MARCHF1: variants seen among roughly 807,000 people sequenced by gnomAD.
MARCHF1 encodes E3 ubiquitin-protein ligase MARCHF1.
A neutral mutation model predicts 54.2 loss-of-function variants in MARCHF1; 40 were observed. The observed-to-expected ratio is 0.74, with a 90% confidence interval of 0.57 to 0.96. The LOEUF (loss-of-function observed/expected upper bound fraction) is 0.96, where lower values mean the gene tolerates loss of function less well. Ranked by LOEUF, MARCHF1 falls within the 40% of genes least tolerant of loss-of-function variation. MARCHF1 has a pLI of 0.00. For missense variants in MARCHF1, 586 were observed against 656.5 expected (o/e 0.89, Z 1.17); for synonymous variants, 236 against 236.3 (o/e 1.00, Z 0.01).
intron 2 of MARCHF1, among the ~76,000 whole-genome samples, chr4:164,047,828 A>AT (rs1045432759): frequency 6.6e-6 from 1 of 152,116 alleles, no homozygotes; most frequent in African/African-American, 2.4e-5. Flanking sequence ...ATATTATGCA[A>AT]TTTTTTGTGG....
chr4:164,061,271 G>A (rs1560885681), intron 2 of MARCHF1, among the ~76,000 whole-genome samples: 1 of 151,874 alleles, frequency 6.6e-6, no homozygotes. Flanking sequence ...GAATAGTCAT[G>A]TTATTTGGGC....
At chr4:163,547,142 G>T (rs1738938530) in intron 8 of MARCHF1, among the ~76,000 whole-genome samples, 1 of 152,128 alleles carries the variant, frequency 6.6e-6, no homozygotes, top group Non-Finnish European at 1.5e-5. Flanking sequence ...CGTACATTGT[G>T]GTACATAAAG....
At chr4:163,680,336 A>G (rs1744063499) in intron 5 of MARCHF1, among the ~76,000 whole-genome samples, 1 of 152,258 alleles carries the variant, frequency 6.6e-6, no homozygotes, top group African/African-American at 2.4e-5. Flanking sequence ...TTGAGATACC[A>G]CAGTCCAATT....
chr4:163,981,759 T>C (rs879716876), intron 3 of MARCHF1, among the ~76,000 whole-genome samples: 4 of 152,082 alleles, frequency 2.6e-5, no homozygotes, highest in Non-Finnish European at 5.9e-5. Flanking sequence ...AAATCCTGAT[T>C]AATAAAACAT....
intron 4 of MARCHF1, among the ~76,000 whole-genome samples, chr4:163,814,436 C>A (rs949854522): frequency 6.6e-6 from 1 of 152,008 alleles, no homozygotes; most frequent in Non-Finnish European, 1.5e-5. Flanking sequence ...AAAGATTAGC[C>A]GGTTGTGTGT....
At chr4:164,187,991 G>C (rs565519407) in intron 1 of MARCHF1, among the ~76,000 whole-genome samples, 1 of 152,194 alleles carries the variant, frequency 6.6e-6, no homozygotes, top group Admixed American at 6.5e-5. Context: ...TACTCAGATT[G>C]AACATGGGCT....
intron 1 of MARCHF1, among the ~76,000 whole-genome samples, chr4:164,319,071 C>T (rs1735072457): frequency 6.6e-6 from 1 of 152,062 alleles, no homozygotes; most frequent in Admixed American, 6.6e-5. Flanking sequence ...TCTCTGTATC[C>T]ATGAGTTCCA....
At chr4:163,744,971 C>A (rs1438876605) in intron 4 of MARCHF1, among the ~76,000 whole-genome samples, 1 of 152,102 alleles carries the variant, frequency 6.6e-6, no homozygotes, top group Admixed American at 6.5e-5. Context: ...TCCCAAGGGA[C>A]CAAAAGCAAA....
chr4:164,095,332 T>C (rs974244406), intron 2 of MARCHF1, among the ~76,000 whole-genome samples: 4 of 151,916 alleles, frequency 2.6e-5, no homozygotes, highest in Admixed American at 2.6e-4. Context: ...ACTAGTGTGA[T>C]TGTGAGGATA....
intron 3 of MARCHF1, among the ~76,000 whole-genome samples, chr4:163,857,015 A>AAAT (rs1749784484): frequency 1.5e-5 from 2 of 131,498 alleles, no homozygotes; most frequent in African/African-American, 2.9e-5. Context: ...TTTGTCTCGA[A>AAAT]AAATAAATAA....
intron 1 of MARCHF1, among the ~76,000 whole-genome samples, chr4:164,259,502 G>C (rs1016763031): frequency 1.3e-3 from 1 of 744 alleles, no homozygotes; most frequent in Non-Finnish European, 2.4e-3. Context: ...TGAGATCACG[G>C]CTACTGCACT....
intron 8 of MARCHF1, among the ~76,000 whole-genome samples, chr4:163,564,264 C>G (rs1739567806): frequency 6.6e-6 from 1 of 152,174 alleles, no homozygotes; most frequent in Non-Finnish European, 1.5e-5. Context: ...TGTTGACTGA[C>G]TGACGTTTGA....
At chr4:163,939,985 G>A (rs148833739) in intron 3 of MARCHF1, among the ~76,000 whole-genome samples, 95 of 152,210 alleles carry the variant, frequency 6.2e-4, no homozygotes, top group African/African-American at 2.3e-3. Flanking sequence ...TTAGGAGGTG[G>A]GACTTTTGGA....
chr4:163,721,729 G>C (rs986874616), intron 4 of MARCHF1, among the ~76,000 whole-genome samples: 1 of 152,088 alleles, frequency 6.6e-6, no homozygotes, highest in Non-Finnish European at 1.5e-5. Context: ...TCTATTCAGG[G>C]ATTCAACTTC....
chr4:164,373,188 A>G (rs888388679), intron 1 of MARCHF1, among the ~76,000 whole-genome samples: 2 of 152,128 alleles, frequency 1.3e-5, no homozygotes, highest in Non-Finnish European at 2.9e-5. Flanking sequence ...CCAACATTCT[A>G]ACACTAACGT....
At chr4:164,042,447 T>A (rs12501411) in intron 2 of MARCHF1, among the ~76,000 whole-genome samples, 2 of 151,632 alleles carry the variant, frequency 1.3e-5, no homozygotes, top group Non-Finnish European at 2.9e-5. Flanking sequence ...AGAGGGGAGG[T>A]GCCACAAAGT....
intron 7 of MARCHF1, among the ~76,000 whole-genome samples, chr4:163,611,475 C>G (rs1013419232): frequency 6.6e-6 from 1 of 151,992 alleles, no homozygotes; most frequent in African/African-American, 2.4e-5. Flanking sequence ...TTCATTTGCT[C>G]TCATACAGAA....
chr4:164,328,476 C>T (rs926184375), intron 1 of MARCHF1, among the ~76,000 whole-genome samples: 2 of 151,862 alleles, frequency 1.3e-5, no homozygotes, highest in African/African-American at 4.8e-5. Context: ...AGATAATGTG[C>T]AACTGAAGAG....
intron 5 of MARCHF1, among the ~76,000 whole-genome samples, chr4:163,616,951 T>C (rs910896750): frequency 4.6e-5 from 7 of 152,122 alleles, no homozygotes; most frequent in Non-Finnish European, 8.8e-5. Context: ...CAAAGAGATA[T>C]GTGAACCCCC....
Sources: allele counts gnomAD v4.1 joint callset (sites outside exome capture counted in the v4.1 genomes callset), GRCh38; gene constraint gnomAD v4.1.1; transcripts MANE v1.5; gene names NCBI Gene and HGNC (gene_info 2026-07-23, HGNC 2026-07-21).